KCNQ1: variants seen among roughly 807,000 people sequenced by gnomAD.
KCNQ1 encodes potassium voltage-gated channel subfamily KQT member 1.
A neutral mutation model predicts 72.4 loss-of-function variants in KCNQ1; 49 were observed. That is an observed-to-expected ratio of 0.68 (90% CI 0.54 to 0.86). The LOEUF is 0.86. KCNQ1 is among the 40% of genes least tolerant of loss of function. The pLI, the probability that KCNQ1 is intolerant of heterozygous loss-of-function variation, is 0.00. For missense variants in KCNQ1, 790 were observed against 945.1 expected (o/e 0.84, Z 2.15); for synonymous variants, 450 against 412.6 (o/e 1.09, Z -1.10).
At chr11:2,581,750 C>G (rs779496204) in intron 6 of KCNQ1, among the ~76,000 whole-genome samples, 1 of 152,252 alleles carries the variant, frequency 6.6e-6, no homozygotes, top group African/African-American at 2.4e-5. Context: ...GACACGTGCA[C>G]GTGTGGAGCA....
chr11:2,555,802 G>T (rs529315969), intron 2 of KCNQ1, among the ~76,000 whole-genome samples: 60 of 152,364 alleles, frequency 3.9e-4, no homozygotes, highest in African/African-American at 1.4e-3. Flanking sequence ...TGCCTTCAGA[G>T]CCTGGGTTTT....
At chr11:2,530,762 T>C (rs976826705) in intron 2 of KCNQ1, among the ~76,000 whole-genome samples, 2 of 152,186 alleles carry the variant, frequency 1.3e-5, no homozygotes, top group Non-Finnish European at 2.9e-5. Context: ...TATAGGCACA[T>C]TGTAGTGTGC....
At chr11:2,529,850 G>C (rs1001243293) in intron 2 of KCNQ1, among the ~76,000 whole-genome samples, 1 of 152,144 alleles carries the variant, frequency 6.6e-6, no homozygotes, top group South Asian at 2.1e-4. Flanking sequence ...CCAGGCGGGG[G>C]GTGCGCACCT....
intron 11 of KCNQ1, among the ~76,000 whole-genome samples, chr11:2,763,106 T>A (rs1846435061): frequency 6.6e-6 from 1 of 152,246 alleles, no homozygotes; most frequent in African/African-American, 2.4e-5. Context: ...TTGATTGGAA[T>A]CATATTTAAT....
At chr11:2,719,179 G>A (rs1487485667) in intron 11 of KCNQ1, among the ~76,000 whole-genome samples, 1 of 152,180 alleles carries the variant, frequency 6.6e-6, no homozygotes, top group African/African-American at 2.4e-5. Context: ...CTCATTGGGG[G>A]TAACAATGGC....
At position 2,497,751 on chromosome 11, in the gene KCNQ1, GGTTTTTA is replaced by G. The variant is rs201730185; in HGVS notation, c.387-30175_387-30169del. Among the ~76,000 whole-genome samples the G allele has an allele frequency of 2.4e-3, 366 of 152,208 alleles. 2 individuals carry two copies. Among genetic ancestry groups the G allele is most frequent in the African/African-American group, 8.4e-3 (347 of 41,526 alleles). On this transcript the variant is annotated intron_variant, in intron 1 of 15. Transcript: ENST00000155840. This position sits in a 1 kb window ranked among gnomAD's most constrained non-coding sequence, Gnocchi z 4.5. ...TCATTTGGAGGAGAAGAGGCATTCT[GGTTTTTA>G]GAATGTTCAGCATTTTTGTGCTGGT...
In KCNQ1 at chr11:2,668,492, G is replaced by C; in HGVS notation, c.1514+6411G>C. The C allele has an allele frequency of 2.5e-6, 1 of 398,610 alleles. No homozygotes were observed. The allele number at this position is 398,610 out of a possible 1,614,324, so 24.7% of individuals were successfully genotyped here. A position where few individuals can be genotyped will look rare whatever the true frequency, so the allele number is the denominator to read the frequency against. Reference sequence around the variant, plus strand: ...TCGTTTCCTTTTCAGCCATGATGGTGAATGTCTAGCAGCATCAAATGGTGA... The same window carrying C: ...TCGTTTCCTTTTCAGCCATGATGGTCAATGTCTAGCAGCATCAAATGGTGA... On this transcript the variant is annotated intron_variant, in intron 11 of 15. Transcript: ENST00000155840. This position sits in a 1 kb window ranked among gnomAD's most constrained non-coding sequence, Gnocchi z 4.3.
rs1410076469 is a variant in KCNQ1, at chr11:2,528,038, A to G, written c.477+20A>G. ...TGGATGGTACGTAGCATCTGAGGGC[A>G]TGGCTGGATGTCATGGCTGCCTTGG... is the stretch of plus-strand genomic sequence containing the variant. On this transcript the variant is annotated intron_variant, in intron 2 of 15. Coordinates refer to ENST00000155840, the MANE Select transcript of KCNQ1 (RefSeq NM_000218.3). The G allele has an allele frequency of 6.9e-6, 11 of 1,589,222 alleles. No homozygotes were observed. The highest frequency in any genetic ancestry group is 8.6e-6 in the Non-Finnish European group (10 of 1,158,956).
intron 1 of KCNQ1, among the ~76,000 whole-genome samples, chr11:2,470,412 A>G (rs1298819209): frequency 6.6e-6 from 1 of 152,212 alleles, no homozygotes; most frequent in Non-Finnish European, 1.5e-5. Context: ...TACATTTTAC[A>G]GAAGACGTAT....
intron 10 of KCNQ1, chr11:2,629,426 T>C (rs1217879140): frequency 2.5e-6 from 1 of 398,432 alleles, no homozygotes; most frequent in African/African-American, 2.1e-5. Context: ...ATGCAGTTTT[T>C]GCCCCATGTT....
rs200476771 is a variant in KCNQ1, at chr11:2,777,981, A to G, written c.1738A>G (p.Ser580Gly). Residue 580 changes from serine (S) to glycine (G), a missense_variant, in exon 15 of 16, where the codon AGC becomes GGC. By Grantham distance (56) the Ser-to-Gly change is moderately conservative (BLOSUM62 0). Transcript: ENST00000155840. ...PSLFISVSEKSKDRGSNTIGA... is the reference protein window; with the variant it reads ...PSLFISVSEKGKDRGSNTIGA... ...GGGTGTTTTATCCCCCATAGAAAAG[A>G]GCAAGGATCGCGGCAGCAACACGAT... The G allele has an allele frequency of 2.5e-6, 4 of 1,613,854 alleles. No individual in the cohort carries two copies. The African/African-American group carries it at 4.0e-5, about 16-fold the overall frequency.
At chr11:2,705,679 G>C (rs1223217180) in intron 11 of KCNQ1, among the ~76,000 whole-genome samples, 1 of 152,224 alleles carries the variant, frequency 6.6e-6, no homozygotes, top group Admixed American at 6.5e-5. Context: ...GGGAAAAGTG[G>C]GCCCAGGCCT....
rs2133604753 is a variant in KCNQ1 at position 2,475,940 on chromosome 11, C to G, written c.386+30456C>G. ...ACTGTAAGTCCAATTAAACCTCTTT[C>G]TTTTGTACATTTGCTCAGTCTTGGG... On this transcript the variant is annotated intron_variant, in intron 1 of 15. Coordinates refer to ENST00000155840, the MANE Select transcript of KCNQ1 (RefSeq NM_000218.3). The surrounding 1 kb of genome is among the most constrained non-coding windows in gnomAD (Gnocchi z 5.8). Among the ~76,000 whole-genome samples, 1 of 152,330 alleles carries G rather than the reference C, an allele frequency of 6.6e-6. No homozygotes were observed. Among genetic ancestry groups the G allele is most frequent in the South Asian group, 2.1e-4 (1 of 4,824 alleles).
At chr11:2,820,187 T>C (rs1314304584) in intron 15 of KCNQ1, among the ~76,000 whole-genome samples, 2 of 152,252 alleles carry the variant, frequency 1.3e-5, no homozygotes, top group African/African-American at 4.8e-5. Context: ...TCAATCTTTT[T>C]TATTTTCTAA....
chr11:2,653,274 C>T lies in KCNQ1; in HGVS notation c.1394-8687C>T. ...TTCTCCCTGCCCTCTGCCCTGAAAA[C>T]TAGTGGGGGCAGTGCAGACCAGTTT... On this transcript the variant is annotated intron_variant, in intron 10 of 15. Transcript: ENST00000155840. This position sits in a 1 kb window ranked among gnomAD's most constrained non-coding sequence, Gnocchi z 5.3. 1 of 398,740 alleles carries T rather than the reference C, an allele frequency of 2.5e-6. No homozygotes were observed. The highest frequency in any genetic ancestry group is 4.4e-6 in the Non-Finnish European group (1 of 226,136). The allele number at this position is 398,740 out of a possible 1,614,324, so 24.7% of individuals were successfully genotyped here.
chr11:2,607,459 G>A (rs77289085), intron 10 of KCNQ1, among the ~76,000 whole-genome samples: 3,003 of 152,216 alleles, frequency 0.02, 85 homozygotes, highest in African/African-American at 0.067. Flanking sequence ...AGGTCATGAG[G>A]GTGGAGACCT....
chr11:2,755,647 TTACAGA>T (rs1846287697), intron 11 of KCNQ1, among the ~76,000 whole-genome samples: 2 of 152,244 alleles, frequency 1.3e-5, no homozygotes, highest in South Asian at 4.1e-4. Flanking sequence ...ATGACCTTAA[TTACAGA>T]TACAAAGTCC....
rs1388475999 is a variant in KCNQ1 at position 2,711,537 on chromosome 11, C to G, written c.1514+49456C>G. On this transcript the variant is annotated intron_variant, in intron 11 of 15. Transcript: ENST00000155840. The surrounding 1 kb of genome is among the most constrained non-coding windows in gnomAD (Gnocchi z 5.4). The stretch of plus-strand genomic sequence containing the variant: ...GAATCTTCTCAACCTTGGGTGTCGC[C>G]TGCCCAGAACGGGGCTCTCGGAGGC... Among the ~76,000 whole-genome samples, 1 of 152,184 alleles carries G rather than the reference C, an allele frequency of 6.6e-6. No individual in the cohort carries two copies. Among genetic ancestry groups the G allele is most frequent in the Non-Finnish European group, 1.5e-5 (1 of 68,034 alleles).
chr11:2,459,616 G>C (rs12574804), intron 1 of KCNQ1, among the ~76,000 whole-genome samples: 39,869 of 151,830 alleles, frequency 0.26, 5,948 homozygotes, highest in African/African-American at 0.39. Context: ...AAGTCAGCTT[G>C]TTGTTCCGTC....
Sources: gnomAD v4.1 joint callset for allele counts (sites outside exome capture counted in the v4.1 genomes callset) on GRCh38, gnomAD v4.1.1 for gene constraint, Gnocchi (gnomAD v3.1) non-coding constraint, MANE v1.5 for transcripts, NCBI Gene and HGNC (gene_info 2026-07-23, HGNC 2026-07-21) for gene names.